TMTC1: variants seen among roughly 807,000 people sequenced by gnomAD.
TMTC1 encodes transmembrane O-mannosyltransferase targeting cadherins 1.
A neutral mutation model predicts 104.8 loss-of-function variants in TMTC1; 73 were observed. That is an observed-to-expected ratio of 0.70 (90% CI 0.58 to 0.85). TMTC1 has a LOEUF of 0.85. TMTC1 is among the 40% of genes least tolerant of loss of function. TMTC1 has a pLI of 0.00. For synonymous variants in TMTC1, 434 were observed against 428.7 expected, an observed-to-expected ratio of 1.01 and a Z score of -0.15; for missense variants, 1,035 against 1,096.1, an observed-to-expected ratio of 0.94 and a Z score of 0.79.
chr12:29,719,015 G>A (rs180983637), intron 5 of TMTC1, among the ~76,000 whole-genome samples: 5 of 151,228 alleles, frequency 3.3e-5, no homozygotes, highest in South Asian at 4.2e-4. Flanking sequence ...GAAATGATAC[G>A]ATCTGAAGAA....
intron 5 of TMTC1, among the ~76,000 whole-genome samples, chr12:29,731,532 A>G (rs1323272240): frequency 1.3e-5 from 2 of 152,204 alleles, no homozygotes; most frequent in Non-Finnish European, 2.9e-5. Flanking sequence ...ACTGTTCAGG[A>G]ACTGTCTGCT....
intron 6 of TMTC1, among the ~76,000 whole-genome samples, chr12:29,625,636 C>G (rs762354916): frequency 6.6e-5 from 10 of 152,196 alleles, no homozygotes; most frequent in Non-Finnish European, 1.5e-4. Context: ...AACAAACTCC[C>G]TGAAAGAAAA....
intron 6 of TMTC1, chr12:29,613,857 T>C: frequency 1.4e-6 from 1 of 707,904 alleles, no homozygotes; most frequent in Middle Eastern, 7.2e-4. Flanking sequence ...ACTTCTTTTC[T>C]GTTAAGAAAG....
At position 29,733,182 on chromosome 12, in the gene TMTC1, T is replaced by A. The variant is rs74866608; in HGVS notation, c.938+18484A>T. On this transcript the variant is annotated intron_variant, in intron 5 of 17. Transcript: ENST00000539277. ...CCTGCTTTAATCATCATAACAATCC[T>A]ATGAGAGAGATGTTACATTAGTCTC... 9.2e-5 allele frequency among the ~76,000 whole-genome samples: 14 copies of A among 152,316 alleles called. No individual in the cohort carries two copies. The East Asian group carries it at 2.5e-3, about 27-fold the overall frequency.
At chr12:29,714,234 G>C (rs1481227730) in intron 5 of TMTC1, among the ~76,000 whole-genome samples, 1 of 152,180 alleles carries the variant, frequency 6.6e-6, no homozygotes, top group Non-Finnish European at 1.5e-5. Flanking sequence ...TTTGTTAAAA[G>C]AAAAATAGTG....
At chr12:29,658,181 C>T (rs969497634) in intron 5 of TMTC1, among the ~76,000 whole-genome samples, 1 of 151,808 alleles carries the variant, frequency 6.6e-6, no homozygotes, top group Non-Finnish European at 1.5e-5. Flanking sequence ...AATATAAATG[C>T]CCCATAGATC....
chr12:29,629,506 CTG>C (rs1938186986), intron 6 of TMTC1, among the ~76,000 whole-genome samples: 2 of 152,170 alleles, frequency 1.3e-5, no homozygotes, highest in South Asian at 4.1e-4. Context: ...CCTCCTGAGG[CTG>C]TGTCACAGGT....
intron 5 of TMTC1, among the ~76,000 whole-genome samples, chr12:29,642,925 A>G (rs1938924654): frequency 6.9e-6 from 1 of 145,664 alleles, no homozygotes; most frequent in South Asian, 2.2e-4. Context: ...ACTCCATCTC[A>G]AAAAAAAAAA....
At chr12:29,699,791 C>A (rs1338244822) in intron 5 of TMTC1, among the ~76,000 whole-genome samples, 1 of 151,488 alleles carries the variant, frequency 6.6e-6, no homozygotes, top group African/African-American at 2.4e-5. Context: ...AGGCGCACAC[C>A]AACAAGCCCA....
intron 5 of TMTC1, among the ~76,000 whole-genome samples, chr12:29,675,014 A>G (rs1474657498): frequency 1.3e-5 from 2 of 152,210 alleles, no homozygotes. Flanking sequence ...ATATTACAGC[A>G]GTGTTGCTAT....
intron 5 of TMTC1, among the ~76,000 whole-genome samples, chr12:29,648,823 G>C (rs1939388261): frequency 6.6e-6 from 1 of 152,112 alleles, no homozygotes; most frequent in Non-Finnish European, 1.5e-5. Context: ...CATTTCAGTA[G>C]ATAATCAATG....
intron 5 of TMTC1, among the ~76,000 whole-genome samples, chr12:29,652,109 T>G (rs1423805458): frequency 6.6e-6 from 1 of 152,154 alleles, no homozygotes; most frequent in Non-Finnish European, 1.5e-5. Context: ...GTCTATGCCC[T>G]CTGGTAACTT....
At chr12:29,732,540 G>C (rs554324654) in intron 5 of TMTC1, among the ~76,000 whole-genome samples, 2 of 152,300 alleles carry the variant, frequency 1.3e-5, no homozygotes, top group Non-Finnish European at 2.9e-5. Context: ...TTGTAGACCT[G>C]GTCCCGCTAT....
intron 17 of TMTC1, among the ~76,000 whole-genome samples, chr12:29,508,104 C>G (rs1943740449): frequency 6.6e-6 from 1 of 152,172 alleles, no homozygotes; most frequent in Admixed American, 6.5e-5. Flanking sequence ...TATCCAGGCT[C>G]TGTATCAATA....
At chr12:29,732,681 A>AT (rs1942575905) in intron 5 of TMTC1, among the ~76,000 whole-genome samples, 1 of 152,138 alleles carries the variant, frequency 6.6e-6, no homozygotes, top group Admixed American at 6.5e-5. Flanking sequence ...AAAAAAAATT[A>AT]CAGTCTGCCC....
chr12:29,516,322 A>G lies in TMTC1; in HGVS notation c.2307+27T>C, dbSNP rs377352693. The stretch of plus-strand genomic sequence containing the variant: ...CCCCATGTTTAACCTATGAATCCAA[A>G]GAACTCTAAACAATGTCCTTCTTTA... On this transcript the variant is annotated intron_variant, in intron 15 of 17. Transcript: ENST00000539277. The G allele has an allele frequency of 2.3e-5, 36 of 1,598,522 alleles. No homozygotes were observed. In the Middle Eastern group the frequency reaches 6.6e-4, roughly 30 times the overall value.
intron 11 of TMTC1, among the ~76,000 whole-genome samples, chr12:29,521,777 A>G (rs753747138): frequency 1.1e-4 from 16 of 152,006 alleles, no homozygotes; most frequent in Non-Finnish European, 1.9e-4. Context: ...CATGTTGGCC[A>G]GGCTGGTCTC....
chr12:29,518,581 A>G lies in TMTC1; in HGVS notation c.1915T>C (p.Tyr639His). ...TGLPEKAVAH[Y>H]QQAIKLSPSH... ...GGGCTAAGTTTGATGGCCTGCTGGTAATGGGCCACTGCCTTTTCTGGTAAG... is the reference window on the plus strand; with the variant it reads ...GGGCTAAGTTTGATGGCCTGCTGGTGATGGGCCACTGCCTTTTCTGGTAAG... Residue 639 changes from tyrosine to histidine, a missense_variant, in exon 13 of 18, where the codon TAC becomes CAC. Tyr to His is a moderately conservative substitution (Grantham distance 83). Transcript: ENST00000539277. 6.2e-7 allele frequency: 1 copy of G among 1,614,110 alleles called. No individual in the cohort carries two copies. The highest frequency in any genetic ancestry group is 8.5e-7 in the Non-Finnish European group (1 of 1,179,964).
chr12:29,623,732 G>A (rs947985231), intron 6 of TMTC1, among the ~76,000 whole-genome samples: 1 of 152,124 alleles, frequency 6.6e-6, no homozygotes, highest in Non-Finnish European at 1.5e-5. Flanking sequence ...AGAATCGCTT[G>A]AACCCGGGAG....
Sources: gnomAD v4.1 joint callset for allele counts (sites outside exome capture counted in the v4.1 genomes callset) on GRCh38, gnomAD v4.1.1 for gene constraint, MANE v1.5 for transcripts, NCBI Gene and HGNC (gene_info 2026-07-23, HGNC 2026-07-21) for gene names.